ZP2: variants seen among roughly 807,000 people sequenced by gnomAD.
ZP2 encodes the protein zona pellucida sperm-binding protein 2.
Under a neutral mutation model 84.0 loss-of-function variants are expected in ZP2, and 51 were observed. The observed-to-expected ratio is 0.61, with a 90% CI of 0.49 to 0.77. The LOEUF is 0.77. Among genes scored for constraint, ZP2 ranks in the 30% least tolerant of loss-of-function variants. ZP2 has a pLI of 0.00. For missense variants in ZP2, 909 were observed against 911.9 expected (o/e 1.00, Z 0.04); for synonymous variants, 375 against 330.9 (o/e 1.13, Z -1.45).
intron 14 of ZP2, among the ~76,000 whole-genome samples, chr16:21,200,427 A>G (rs916771708): frequency 2.6e-5 from 4 of 152,216 alleles, no homozygotes; most frequent in Non-Finnish European, 5.9e-5. Context: ...GACAAGAGTG[A>G]GACCTCGTCT....
At chr16:21,211,685 G>A (rs770823303), upstream of ZP2, 3 of 1,555,610 alleles carry the variant, frequency 1.9e-6, no homozygotes, top group Non-Finnish European at 2.6e-6. Flanking sequence ...GAAACGGAAG[G>A]ATTGGGGAAG....
At chr16:21,208,526 C>A (rs1457786961) in intron 4 of ZP2, among the ~76,000 whole-genome samples, 1 of 152,160 alleles carries the variant, frequency 6.6e-6, no homozygotes, top group African/African-American at 2.4e-5. Context: ...ATTCCCAGAA[C>A]TCACCCCAGG....
intron 4 of ZP2, 66 bp downstream of exon 4, chr16:21,209,565 G>A: frequency 6.7e-7 from 1 of 1,490,464 alleles, no homozygotes; most frequent in Non-Finnish European, 9.3e-7. Context: ...TCTTAGCCAA[G>A]TTTACTGCCA....
At chr16:21,205,061 C>A (rs1295820273) in intron 7 of ZP2, among the ~76,000 whole-genome samples, 2 of 152,192 alleles carry the variant, frequency 1.3e-5, no homozygotes, top group Non-Finnish European at 2.9e-5. Context: ...CGGCTCACTG[C>A]AACTTCTACC....
At chr16:21,204,825 T>G (rs2093242195) in intron 7 of ZP2, among the ~76,000 whole-genome samples, 1 of 152,160 alleles carries the variant, frequency 6.6e-6, no homozygotes, top group Admixed American at 6.5e-5. Flanking sequence ...TAGTGCAGTG[T>G]TCAGACTATT....
upstream of ZP2, among the ~76,000 whole-genome samples, chr16:21,211,970 C>G (rs1177338432): frequency 6.6e-6 from 1 of 151,610 alleles, no homozygotes; most frequent in Non-Finnish European, 1.5e-5. Flanking sequence ...CTCTGTCACC[C>G]AGGCTGGAGT....
At position 21,211,248 on chromosome 16, in the gene ZP2, C is replaced by T. The variant is rs113062641; in HGVS notation, c.151+59G>A. On this transcript the variant is annotated intron_variant, in intron 2 of 18. Transcript: ENST00000574091. Reference sequence around the variant, plus strand: ...GGCCTGTGTTTCTTGGCCAGCTAGGCCTTCCAGCTGCAACCTGTTTTCTCT... The same window carrying T: ...GGCCTGTGTTTCTTGGCCAGCTAGGTCTTCCAGCTGCAACCTGTTTTCTCT... The T allele has an allele frequency of 6.7e-4, 999 of 1,495,352 alleles. 3 individuals are homozygous for T. The African/African-American group carries it at 0.011, about 17-fold the overall frequency. The allele number at this position is 1,495,352 out of a possible 1,614,324, so 92.6% of individuals were successfully genotyped here.
chr16:21,204,279 A>C, intron 8 of ZP2, 29 bp downstream of exon 8: 1 of 1,613,942 alleles, frequency 6.2e-7, no homozygotes, highest in Non-Finnish European at 8.5e-7. Context: ...TGTCTCCCAC[A>C]CTGAGGTTGC....
At position 21,205,770 on chromosome 16, in the gene ZP2, G is replaced by T; in HGVS notation, c.489C>A (p.Ser163=). ...CCAAGCCAGAGAAGACCCGTGGCAA[G>T]GAAAACTGGAAGAAAAGAATTGTGA... The part of the protein sequence containing the change: ...TICQKDFMSF[S]LPRVFSGLAD... The change falls in exon 6 of 19, where the codon TCC becomes TCA. Residue 163 remains serine (S), a synonymous_variant. Coordinates refer to ENST00000574091, the MANE Select transcript of ZP2 (RefSeq NM_001376232.1). 1 of 1,614,012 alleles carries T rather than the reference G, an allele frequency of 6.2e-7. No individual in the cohort carries two copies. The highest frequency in any genetic ancestry group is 8.5e-7 in the Non-Finnish European group (1 of 1,179,946).
At chr16:21,201,242 G>A in intron 14 of ZP2, 127 bp downstream of exon 14, 1 of 789,290 alleles carries the variant, frequency 1.3e-6, no homozygotes. Context: ...GTCCCAATTA[G>A]AAAACAAGGA....
rs774931578 is a variant in ZP2 at position 21,211,528 on chromosome 16, C to G, written c.20G>C (p.Gly7Ala). ...CCAGCCTGAGGGACTCCAAGAGCCT[C>G]CTCTCTGCCTGCACGCCATAGCAGA... MACRQR[G>A]GSWSPSGWFN... The change falls in exon 1 of 19, where the codon GGA (glycine) becomes GCA (alanine). Residue 7 changes from glycine (G) to alanine (A), a missense_variant. Physicochemically the swap from Gly to Ala is moderately conservative, Grantham distance 60 (BLOSUM62 0). Coordinates refer to ENST00000574091, the MANE Select transcript of ZP2 (RefSeq NM_001376232.1). 6.2e-7 allele frequency: 1 copy of G among 1,614,210 alleles called. No homozygotes were observed. The highest frequency in any genetic ancestry group is 8.5e-7 in the Non-Finnish European group (1 of 1,180,044).
At position 21,203,147 on chromosome 16, in the gene ZP2, G is replaced by C; in HGVS notation, c.1077C>G (p.Leu359=). The change falls in exon 10 of 19, where the codon CTC becomes CTG. Residue 359 remains leucine (L), a synonymous_variant. Coordinates refer to ENST00000574091, the MANE Select transcript of ZP2 (RefSeq NM_001376232.1). ...TACCTATAGAAACGGGTGACTCACA[G>C]AGACACTCAGGATAGATCACCATGG... ...TVSMVIYPEC[L]CESPVSIVTG... 1 of 1,613,816 alleles carries C rather than the reference G, an allele frequency of 6.2e-7. No individual in the cohort carries two copies. Among genetic ancestry groups the C allele is most frequent in the East Asian group, 2.2e-5 (1 of 44,860 alleles).
In ZP2 at chr16:21,202,092, G is replaced by T; in HGVS notation, c.1287+12C>A. 1.2e-6 allele frequency: 2 copies of T among 1,613,314 alleles called. No homozygotes were observed. The highest frequency in any genetic ancestry group is 2.2e-5 in the South Asian group (2 of 91,040). ...GATGAGACTTAACCTCGTGCCATCTGCCAGTACTAACCTTATATCTCGTTC... is the reference window on the plus strand; with the variant it reads ...GATGAGACTTAACCTCGTGCCATCTTCCAGTACTAACCTTATATCTCGTTC... On this transcript the variant is annotated intron_variant, in intron 11 of 18. Coordinates refer to ENST00000574091, the MANE Select transcript of ZP2 (RefSeq NM_001376232.1).
At chr16:21,211,646 C>A (rs780595429), upstream of ZP2, 10 of 1,602,736 alleles carry the variant, frequency 6.2e-6, no homozygotes, top group Non-Finnish European at 8.5e-6. Flanking sequence ...CCATTGGGGG[C>A]ACCTGAATCT....
At position 21,206,993 on chromosome 16, in the gene ZP2, G is replaced by C; in HGVS notation, c.331-3C>G. The stretch of plus-strand genomic sequence containing the variant: ...ATGGTCATCTGGTGTCCACCATGCT[G>C]TGTACAGATAGCACAGTGGGAACAG... On this transcript the variant is annotated splice_polypyrimidine_tract_variant and splice_region_variant and intron_variant, in intron 4 of 18. Coordinates refer to ENST00000574091, the MANE Select transcript of ZP2 (RefSeq NM_001376232.1). The C allele has an allele frequency of 1.2e-6, 2 of 1,614,062 alleles. No individual in the cohort carries two copies. The highest frequency in any genetic ancestry group is 8.5e-7 in the Non-Finnish European group (1 of 1,179,976).
chr16:21,207,034 C>T, intron 4 of ZP2, 44 bp from the exon 5 acceptor site: 1 of 1,607,986 alleles, frequency 6.2e-7, no homozygotes, highest in Non-Finnish European at 8.5e-7. Flanking sequence ...GTACTGTACC[C>T]CCATGGGATT....
chr16:21,201,358 G>A lies in ZP2; in HGVS notation c.1694+11C>T, dbSNP rs2093224068. 1.9e-6 allele frequency: 3 copies of A among 1,548,230 alleles called. No homozygotes were observed. Among genetic ancestry groups the A allele is most frequent in the Non-Finnish European group, 2.6e-6 (3 of 1,147,156 alleles). On this transcript the variant is annotated intron_variant, in intron 14 of 18. Transcript: ENST00000574091. ...TTAGCTGGGTAACCTGATAGTACAG[G>A]GAGTACCTACCCATCCACGACAACG...
At chr16:21,208,740 C>G (rs973578205) in intron 4 of ZP2, among the ~76,000 whole-genome samples, 1 of 152,152 alleles carries the variant, frequency 6.6e-6, no homozygotes, top group African/African-American at 2.4e-5. Flanking sequence ...ACCAAAATAG[C>G]CTTCCATCTC....
chr16:21,201,897 T>TG lies in ZP2; in HGVS notation c.1379+34_1379+35insC, dbSNP rs1324610464. The TG allele has an allele frequency of 3.1e-6, 5 of 1,612,942 alleles. No homozygotes were observed. In the African/African-American group the frequency reaches 6.7e-5, roughly 22 times the overall value. ...GTTAAAAAATTGCTTGAGTTTAAAC[T>TG]AGAGCTTAAGAGTCAAATAGCAATT... On this transcript the variant is annotated intron_variant, in intron 12 of 18. Coordinates refer to ENST00000574091, the MANE Select transcript of ZP2 (RefSeq NM_001376232.1).
Sources: allele counts gnomAD v4.1 joint callset (sites outside exome capture counted in the v4.1 genomes callset), GRCh38; gene constraint gnomAD v4.1.1; transcripts MANE v1.5; gene names NCBI Gene and HGNC (gene_info 2026-07-23, HGNC 2026-07-21).